The following PRSS23 variants were observed in gnomAD, a reference collection of about 807,000 sequenced individuals.
PRSS23 encodes the protein serine protease 23, also known as protease, serine 23.
A neutral mutation model predicts 34.7 loss-of-function variants in PRSS23; 25 were observed. The observed-to-expected ratio is 0.72, with a 90% CI of 0.53 to 1.01. PRSS23 has a LOEUF of 1.01. Ranked by LOEUF, PRSS23 falls within the 50% of genes least tolerant of loss-of-function variation. PRSS23 has a pLI of 0.00. For missense variants in PRSS23, 445 were observed against 475.6 expected, an observed-to-expected ratio of 0.94 and a Z score of 0.60; for synonymous variants, 176 against 186.6, an observed-to-expected ratio of 0.94 and a Z score of 0.46.
At chr11:86,868,378 T>C (rs1948664558) in intron 2 of PRSS23, among the ~76,000 whole-genome samples, 1 of 151,986 alleles carries the variant, frequency 6.6e-6, no homozygotes, top group South Asian at 2.1e-4. Context: ...GAGGCTGCAC[T>C]GATCCACACT....
At chr11:86,816,300 A>G (rs1159588507) in intron 1 of PRSS23, among the ~76,000 whole-genome samples, 1 of 152,166 alleles carries the variant, frequency 6.6e-6, no homozygotes, top group Non-Finnish European at 1.5e-5. Context: ...TGCAGAGATG[A>G]CTGAGATACA....
rs567668514 is a variant in PRSS23, at chr11:86,807,634, A to C, written c.-10A>C. On this transcript the variant is annotated 5_prime_UTR_variant, in exon 2 of 2. Coordinates refer to ENST00000280258, the MANE Select transcript of PRSS23 (RefSeq NM_007173.6). ...CTGCTTGTCTTTGTTTCTACAGAAC[A>C]GTGCTCGGCATGGCAGGGATTCCAG... 1 of 1,599,266 alleles carries C rather than the reference A, an allele frequency of 6.3e-7. No homozygotes were observed. The highest frequency in any genetic ancestry group is 1.7e-5 in the Admixed American group (1 of 58,716).
chr11:86,797,404 T>TCTTGGTA (rs1237933529), upstream of PRSS23, among the ~76,000 whole-genome samples: 1 of 152,232 alleles, frequency 6.6e-6, no homozygotes, highest in African/African-American at 2.4e-5. Context: ...GGAAGTAGCC[T>TCTTGGTA]CTCATTTTAC....
intron 2 of PRSS23, among the ~76,000 whole-genome samples, chr11:86,825,400 G>A (rs1440723676): frequency 6.6e-6 from 1 of 152,152 alleles, no homozygotes; most frequent in African/African-American, 2.4e-5. Flanking sequence ...AGATGAGTAG[G>A]TTGTGAAAAT....
chr11:86,886,037 T>C (rs964351555), intron 2 of PRSS23, among the ~76,000 whole-genome samples: 3 of 152,182 alleles, frequency 2.0e-5, no homozygotes, highest in African/African-American at 7.2e-5. Flanking sequence ...CTGACAAGCA[T>C]TGTGCTAAGT....
exon 2 of PRSS23, chr11:86,823,491 C>G (rs1328781971): frequency 1.4e-6 from 1 of 702,532 alleles, no homozygotes; most frequent in South Asian, 1.5e-5. Context: ...CAACCACCAC[C>G]TCCTGAATAC....
At chr11:86,901,497 A>G (rs1948911954) in intron 2 of PRSS23, among the ~76,000 whole-genome samples, 1 of 152,172 alleles carries the variant, frequency 6.6e-6, no homozygotes, top group African/African-American at 2.4e-5. Context: ...TACAGTCAAA[A>G]TGGTAGGTTG....
chr11:86,899,230 C>T (rs1307819874), intron 2 of PRSS23, among the ~76,000 whole-genome samples: 1 of 152,094 alleles, frequency 6.6e-6, no homozygotes, highest in African/African-American at 2.4e-5. Flanking sequence ...GAAAAAAATA[C>T]TACCCTGGCC....
intron 2 of PRSS23, among the ~76,000 whole-genome samples, chr11:86,890,956 T>G (rs1948837453): frequency 6.6e-6 from 1 of 152,210 alleles, no homozygotes; most frequent in African/African-American, 2.4e-5. Context: ...AACAACCAGT[T>G]AGTAATTTAT....
chr11:86,826,977 A>T (rs1260073763), intron 2 of PRSS23, among the ~76,000 whole-genome samples: 3 of 151,934 alleles, frequency 2.0e-5, no homozygotes, highest in African/African-American at 7.2e-5. Flanking sequence ...GTCTCTGCCC[A>T]GCTTTGGTAT....
chr11:86,822,753 G>T (rs912907475), intron 1 of PRSS23, among the ~76,000 whole-genome samples: 1 of 152,160 alleles, frequency 6.6e-6, no homozygotes, highest in Non-Finnish European at 1.5e-5. Flanking sequence ...ACCTCTGGGA[G>T]CAGAGAGACA....
intron 1 of PRSS23, among the ~76,000 whole-genome samples, chr11:86,803,695 C>A (rs1187055051): frequency 6.6e-6 from 1 of 152,070 alleles, no homozygotes; most frequent in Non-Finnish European, 1.5e-5. Context: ...AGAGCATACA[C>A]ACACAGCCAT....
At chr11:86,867,563 C>T (rs1469827701) in intron 2 of PRSS23, among the ~76,000 whole-genome samples, 1 of 152,128 alleles carries the variant, frequency 6.6e-6, no homozygotes, top group Non-Finnish European at 1.5e-5. Context: ...CCTTCTGAGA[C>T]CCTAGTATAC....
At chr11:86,902,988 G>A (rs1286574652) in intron 2 of PRSS23, among the ~76,000 whole-genome samples, 3 of 152,134 alleles carry the variant, frequency 2.0e-5, no homozygotes, top group Non-Finnish European at 2.9e-5. Context: ...ACAGCACAGA[G>A]GGAAATTGCT....
In PRSS23 at chr11:86,809,239, T is replaced by G. The variant is rs10219261; in HGVS notation, c.*444T>G. 961 of 168,376 alleles carry G rather than the reference T, an allele frequency of 5.7e-3. 15 individuals are homozygous for G. Among genetic ancestry groups the G allele is most frequent in the African/African-American group, 0.022 (911 of 41,582 alleles). The allele number at this position is 168,376 out of a possible 1,614,324, so 10.4% of individuals were successfully genotyped here. ...TCATCTTGGTGGTGGGTTTTTTTGT[T>G]TTTTTAATTCAGTGCCTGATCTTTA... On this transcript the variant is annotated 3_prime_UTR_variant, in exon 2 of 2. Coordinates refer to ENST00000280258, the MANE Select transcript of PRSS23 (RefSeq NM_007173.6).
chr11:86,916,037 A>G (rs1949010627), intron 2 of PRSS23, among the ~76,000 whole-genome samples: 1 of 152,216 alleles, frequency 6.6e-6, no homozygotes, highest in Non-Finnish European at 1.5e-5. Context: ...CCTGGGTGAC[A>G]GAGCAGGACT....
chr11:86,909,084 C>G (rs1948961756), intron 2 of PRSS23: 1 of 151,830 alleles, frequency 6.6e-6, no homozygotes, highest in Non-Finnish European at 1.5e-5. Flanking sequence ...CAGAGTTGTG[C>G]ACCATGTAAT....
chr11:86,862,038 TGTG>T (rs1189001471), intron 2 of PRSS23, among the ~76,000 whole-genome samples: 1 of 151,480 alleles, frequency 6.6e-6, no homozygotes, highest in South Asian at 2.1e-4. Context: ...TACACCCCCT[TGTG>T]GTATTGTTTG....
chr11:86,851,883 G>A (rs929776458), intron 2 of PRSS23, among the ~76,000 whole-genome samples: 1 of 152,172 alleles, frequency 6.6e-6, no homozygotes, highest in Non-Finnish European at 1.5e-5. Context: ...TATCATGAGT[G>A]AGATGTCTAT....
Sources: gnomAD v4.1 joint callset for allele counts (sites outside exome capture counted in the v4.1 genomes callset) on GRCh38, gnomAD v4.1.1 for gene constraint, MANE v1.5 for transcripts, NCBI Gene and HGNC (gene_info 2026-07-23, HGNC 2026-07-21) for gene names.